Variants in ERI1 observed in about 807,000 individuals in gnomAD.
The protein encoded by ERI1 is exoribonuclease 1.
A neutral mutation model predicts 39.7 loss-of-function variants in ERI1; 39 were observed. That is an observed-to-expected ratio of 0.98 (90% confidence interval 0.76 to 1.28). The LOEUF (loss-of-function observed/expected upper bound fraction) is 1.28. ERI1 is among the 50% of genes most tolerant of loss of function. The pLI, the probability that ERI1 is intolerant of heterozygous loss-of-function variation, is 0.00. For missense variants in ERI1, 581 were observed against 416.9 expected (o/e 1.39, Z -3.43); for synonymous variants, 204 against 149.6 (o/e 1.36, Z -2.65).
rs115704642 is a variant in ERI1, at chr8:9,012,322, G to C, written c.498+570G>C. Among the ~76,000 whole-genome samples, 1,342 of 152,284 alleles carry C rather than the reference G, an allele frequency of 8.8e-3. 18 individuals carry two copies. Among genetic ancestry groups the C allele is most frequent in the African/African-American group, 0.031 (1,288 of 41,564 alleles). Reference sequence around the variant, plus strand: ...AATAATATGTGTGCTTTAGATACTTGTCAGTGCTTTATTAGTTAAGAAAGT... The same window carrying C: ...AATAATATGTGTGCTTTAGATACTTCTCAGTGCTTTATTAGTTAAGAAAGT... On this transcript the variant is annotated intron_variant, in intron 3 of 6. Coordinates refer to ENST00000250263, the MANE Select transcript of ERI1 (RefSeq NM_153332.4).
chr8:9,017,998 G>A (rs1193565885), intron 4 of ERI1, among the ~76,000 whole-genome samples: 1 of 152,150 alleles, frequency 6.6e-6, no homozygotes, highest in Non-Finnish European at 1.5e-5. Flanking sequence ...CCCTCCTCTA[G>A]AAATCCAGTA....
At chr8:9,079,912 C>A (rs998575181) in intron 3 of ERI1, among the ~76,000 whole-genome samples, 5 of 151,928 alleles carry the variant, frequency 3.3e-5, no homozygotes, top group Admixed American at 2.6e-4. Flanking sequence ...CTCCAGCAGT[C>A]CTCCAGCCTT....
rs757102927 is a variant in ERI1 at position 9,011,603 on chromosome 8, C to G, written c.349C>G (p.Leu117Val). The G allele has an allele frequency of 3.1e-6, 5 of 1,613,396 alleles. No homozygotes were observed. Among genetic ancestry groups the G allele is most frequent in the East Asian group, 2.2e-5 (1 of 44,840 alleles). The change falls in exon 3 of 7, where the codon CTG (leucine) becomes GTG (valine). Residue 117 changes from leucine to valine, a missense_variant. Leu to Val is a conservative substitution (Grantham distance 32, BLOSUM62 1). Transcript: ENST00000250263. ...KNYYKKQKLM[L>V]KESNFADSYY... ...CTATTATAAGAAGCAGAAGCTGATG[C>G]TGAAAGAGAGCAATTTTGCTGACAG...
chr8:9,029,692 G>A (rs2117300256), intron 6 of ERI1, 100 bp from the exon 7 acceptor site: 1 of 1,396,804 alleles, frequency 7.2e-7, no homozygotes, highest in South Asian at 1.3e-5. Context: ...TTATTTAGCT[G>A]TTAGTGCTAA....
intron 3 of ERI1, among the ~76,000 whole-genome samples, chr8:9,077,300 C>T (rs538259281): frequency 2.0e-5 from 3 of 152,298 alleles, no homozygotes; most frequent in African/African-American, 7.2e-5. Context: ...CCAAAAATTC[C>T]ACCTGTTTCA....
chr8:9,039,384 C>G (rs995430343), intron 3 of ERI1, among the ~76,000 whole-genome samples: 1 of 152,120 alleles, frequency 6.6e-6, no homozygotes, highest in African/African-American at 2.4e-5. Context: ...TGTCATGAAT[C>G]AAATCAGACT....
intron 3 of ERI1, among the ~76,000 whole-genome samples, chr8:9,052,000 G>C (rs1030787320): frequency 1.3e-5 from 2 of 152,196 alleles, no homozygotes; most frequent in Non-Finnish European, 2.9e-5. Flanking sequence ...TGTTAAACGG[G>C]GGCATGCCAG....
At chr8:9,010,164 G>A (rs897792221) in intron 2 of ERI1, among the ~76,000 whole-genome samples, 6 of 152,144 alleles carry the variant, frequency 3.9e-5, no homozygotes, top group African/African-American at 4.8e-5. Flanking sequence ...GACAAACATG[G>A]TGAATATTTG....
At chr8:9,093,649 C>T (rs1021470900) in intron 3 of ERI1, among the ~76,000 whole-genome samples, 1 of 152,216 alleles carries the variant, frequency 6.6e-6, no homozygotes, top group Non-Finnish European at 1.5e-5. Context: ...CTCACTGCAA[C>T]CTCTGCCTCC....
chr8:9,073,608 A>G (rs1427449054), intron 3 of ERI1, among the ~76,000 whole-genome samples: 1 of 152,254 alleles, frequency 6.6e-6, no homozygotes, highest in South Asian at 2.1e-4. Flanking sequence ...TTGCTGAATC[A>G]GTGTGCAGGA....
chr8:9,040,335 A>T (rs1278130893), intron 3 of ERI1, among the ~76,000 whole-genome samples: 1 of 152,196 alleles, frequency 6.6e-6, no homozygotes, highest in Non-Finnish European at 1.5e-5. Flanking sequence ...AGAACGGGGA[A>T]AGTCACAAAG....
At chr8:9,080,564 C>A (rs1183570132) in intron 3 of ERI1, among the ~76,000 whole-genome samples, 1 of 152,374 alleles carries the variant, frequency 6.6e-6, no homozygotes, top group African/African-American at 2.4e-5. Context: ...AAGTGCAGCA[C>A]CCCTGCCCTG....
chr8:9,083,311 C>G (rs931005964), intron 3 of ERI1, among the ~76,000 whole-genome samples: 6 of 152,144 alleles, frequency 3.9e-5, no homozygotes, highest in African/African-American at 1.4e-4. Context: ...ACGGTAACTT[C>G]CATCCAAAGA....
At chr8:9,048,176 A>G (rs1798239561) in intron 3 of ERI1, among the ~76,000 whole-genome samples, 1 of 152,226 alleles carries the variant, frequency 6.6e-6, no homozygotes. Flanking sequence ...TGCGTACTGG[A>G]GTCATCAAGG....
chr8:9,062,501 G>A (rs1053295183), intron 3 of ERI1, among the ~76,000 whole-genome samples: 1 of 149,494 alleles, frequency 6.7e-6, no homozygotes, highest in Non-Finnish European at 1.5e-5. Flanking sequence ...GGAGTTTTAA[G>A]AGGTTTAGAA....
intron 6 of ERI1, among the ~76,000 whole-genome samples, chr8:9,025,486 C>T (rs1190992727): frequency 6.6e-6 from 1 of 152,252 alleles, no homozygotes; most frequent in Admixed American, 6.5e-5. Context: ...TCAGCAAAAT[C>T]TGGCCTTTTT....
intron 3 of ERI1, among the ~76,000 whole-genome samples, chr8:9,042,466 AACAC>A (rs201795411): frequency 6.6e-6 from 1 of 152,286 alleles, no homozygotes; most frequent in African/African-American, 2.4e-5. Context: ...TCCCGCCTCC[AACAC>A]ACACACAGCC....
rs180969040 is a variant in ERI1, at chr8:9,051,896, G to C, written n.299+31432G>C. ...GCTTAAACTTCAGACTGTAGCTGCA[G>C]AGTCGTTTTGTAGCCATCCTTAGAG... is the stretch of plus-strand genomic sequence containing the variant. On this transcript the variant is annotated intron_variant and non_coding_transcript_variant, in intron 3 of 3. Transcript: ENST00000518663. 4.9e-4 allele frequency among the ~76,000 whole-genome samples: 75 copies of C among 152,346 alleles called. 1 individual carries two copies. Among genetic ancestry groups the C allele is most frequent in the Admixed American group, 4.8e-3 (74 of 15,308 alleles).
At chr8:9,022,688 C>G (rs1426392135) in intron 6 of ERI1, among the ~76,000 whole-genome samples, 2 of 152,210 alleles carry the variant, frequency 1.3e-5, no homozygotes, top group Non-Finnish European at 2.9e-5. Context: ...GCGTGAGCCA[C>G]TGCACCTGGC....
Sources: gnomAD v4.1 joint callset for allele counts (sites outside exome capture counted in the v4.1 genomes callset) on GRCh38, gnomAD v4.1.1 for gene constraint, MANE v1.5 for transcripts, NCBI Gene and HGNC (gene_info 2026-07-23, HGNC 2026-07-21) for gene names.